SLC37A1: variants seen among roughly 807,000 people sequenced by gnomAD.
The protein encoded by SLC37A1 is glucose-6-phosphate exchanger SLC37A1.
A neutral mutation model predicts 75.3 loss-of-function variants in SLC37A1; 49 were observed. The ratio of observed to expected loss-of-function variants is 0.65; its 90% confidence interval spans 0.52 to 0.83. The LOEUF (loss-of-function observed/expected upper bound fraction) is 0.83. SLC37A1 is among the 40% of genes least tolerant of loss of function. SLC37A1 has a pLI of 0.00. For missense variants in SLC37A1, 566 were observed against 695.0 expected (o/e 0.81, Z 2.09); for synonymous variants, 268 against 292.1 (o/e 0.92, Z 0.84).
chr21:42,545,394 C>T lies in SLC37A1; in HGVS notation c.731-1709C>T, dbSNP rs2055382409. ...AGATAGGGAGGAAACATCAAGTGCC[C>T]CTTGGTTTGTTTCTGCCCCTCCTTG... On this transcript the variant is annotated intron_variant, in intron 8 of 19. Transcript: ENST00000352133. The surrounding 1 kb of genome is among the most constrained non-coding windows in gnomAD (Gnocchi z 4.0). Among the ~76,000 whole-genome samples the T allele has an allele frequency of 6.6e-6, 1 of 152,134 alleles. No individual in the cohort carries two copies. Among genetic ancestry groups the T allele is most frequent in the African/African-American group, 2.4e-5 (1 of 41,428 alleles).
intron 11 of SLC37A1, among the ~76,000 whole-genome samples, chr21:42,560,709 AT>A (rs1201047736): frequency 2.6e-5 from 4 of 152,232 alleles, no homozygotes; most frequent in Non-Finnish European, 4.4e-5. Context: ...AGGGCTGTGC[AT>A]GCTGGCCTGT....
chr21:42,523,656 G>A (rs1015254865), intron 2 of SLC37A1, among the ~76,000 whole-genome samples: 1 of 152,260 alleles, frequency 6.6e-6, no homozygotes, highest in Non-Finnish European at 1.5e-5. Flanking sequence ...TCGCCTTTTA[G>A]GGTTTCGCTT....
chr21:42,568,714 GTCCACTCA>G (rs2056045813), intron 17 of SLC37A1, among the ~76,000 whole-genome samples: 1 of 152,186 alleles, frequency 6.6e-6, no homozygotes, highest in Non-Finnish European at 1.5e-5. Context: ...GCTAACTCAG[GTCCACTCA>G]TTATTTATCG....
rs1438673571 is a variant in SLC37A1 at position 42,564,810 on chromosome 21, TC to T, written c.1221+20del. The T allele has an allele frequency of 1.2e-6, 2 of 1,600,722 alleles. No individual in the cohort carries two copies. The highest frequency in any genetic ancestry group is 1.1e-5 in the South Asian group (1 of 91,032). On this transcript the variant is annotated intron_variant, in intron 14 of 19. Coordinates refer to ENST00000352133, the MANE Select transcript of SLC37A1 (RefSeq NM_001320537.2). ...GCCCCCACGGTCAGCCGTGCTGCCT[TC>T]CCTGGGCCCCAAAGCCTGCAGACAG...
Position 42,574,849 on chromosome 21 carries a change from C to T in SLC37A1, c.1455C>T (p.Leu485=). The stretch of plus-strand genomic sequence containing the variant: ...CCCTGGGCCCCCTGCTGGCTGGGCT[C>T]CTCTCCCCGTCCGGCTGGAGCAATG... ...GAALGPLLAG[L]LSPSGWSNVF... Residue 485 remains leucine (L), a synonymous_variant, in exon 18 of 20, where the codon CTC becomes CTT. Coordinates refer to ENST00000352133, the MANE Select transcript of SLC37A1 (RefSeq NM_001320537.2). 1 of 1,614,156 alleles carries T rather than the reference C, an allele frequency of 6.2e-7. No homozygotes were observed. Among genetic ancestry groups the T allele is most frequent in the Middle Eastern group, 1.7e-4 (1 of 6,060 alleles).
intron 3 of SLC37A1, among the ~76,000 whole-genome samples, chr21:42,530,654 A>ACCCCCCCCC (rs1555882111): frequency 8.4e-5 from 3 of 35,878 alleles, no homozygotes; most frequent in African/African-American, 1.6e-4. Flanking sequence ...ACACACACAC[A>ACCCCCCCCC]CCCCCTCTGT....
At chr21:42,564,223 C>CAAAAAAAAAAAAAA (rs59155326) in intron 13 of SLC37A1, among the ~76,000 whole-genome samples, 1 of 79,982 alleles carries the variant, frequency 1.3e-5, no homozygotes, top group Non-Finnish European at 2.4e-5. Context: ...CCCCTCTCTA[C>CAAAAAAAAAAAAAA]AAAAAAAAAA....
intron 9 of SLC37A1, 51 bp from the exon 10 acceptor site, chr21:42,554,011 T>C (rs1417299168): frequency 1.6e-5 from 24 of 1,484,160 alleles, no homozygotes; most frequent in Admixed American, 1.2e-4. Context: ...CCAGGTTTAA[T>C]TTCTAGCTGT....
intron 2 of SLC37A1, 142 bp from the exon 3 acceptor site, chr21:42,525,634 A>G (rs185933076): frequency 1.6e-6 from 1 of 626,744 alleles, no homozygotes; most frequent in Admixed American, 2.8e-5. Context: ...CCAATATTAT[A>G]GTGACATAAG....
At position 42,539,542 on chromosome 21, in the gene SLC37A1, G is replaced by A. The variant is rs1178412378; in HGVS notation, c.381G>A (p.Arg127=). 1.2e-6 allele frequency: 2 copies of A among 1,613,588 alleles called. No homozygotes were observed. The highest frequency in any genetic ancestry group is 2.7e-5 in the African/African-American group (2 of 74,902). ...TCATTGGGGAGCGCCTGCCGATTAGGTATTACCTAACTTTCGGGATGCTCG... is the reference window on the plus strand; with the variant it reads ...TCATTGGGGAGCGCCTGCCGATTAGATATTACCTAACTTTCGGGATGCTCG... ...SGIIGERLPI[R]YYLTFGMLAS... is the part of the protein sequence containing the mutation. The change falls in exon 6 of 20, where the codon AGG becomes AGA. Residue 127 remains arginine (R), a synonymous_variant. Coordinates refer to ENST00000352133, the MANE Select transcript of SLC37A1 (RefSeq NM_001320537.2).
chr21:42,544,969 GCTC>G (rs1407700506), intron 8 of SLC37A1, among the ~76,000 whole-genome samples: 1 of 152,176 alleles, frequency 6.6e-6, no homozygotes, highest in Non-Finnish European at 1.5e-5. Context: ...AAAGGGGCTG[GCTC>G]TGGGGAGAAA....
intron 18 of SLC37A1, chr21:42,575,380 GGA>G: frequency 1.0e-6 from 1 of 985,456 alleles, no homozygotes; most frequent in Non-Finnish European, 1.2e-6. Flanking sequence ...TCAGACGGCG[GGA>G]GCGGCCCCAA....
chr21:42,543,430 C>G lies in SLC37A1; in HGVS notation c.564-6C>G. On this transcript the variant is annotated splice_region_variant and splice_polypyrimidine_tract_variant and intron_variant, in intron 7 of 19. Transcript: ENST00000352133. ...ATCTTCTGTCTTCTGTTTTGTTGTG[C>G]TGCAGGAGAGGTTTGATTATGGGGG... is the stretch of plus-strand genomic sequence containing the variant. 1 of 1,614,158 alleles carries G rather than the reference C, an allele frequency of 6.2e-7. No homozygotes were observed. Among genetic ancestry groups the G allele is most frequent in the Admixed American group, 1.7e-5 (1 of 60,022 alleles).
In SLC37A1 at chr21:42,567,005, G is replaced by A. The variant is rs2055996536; in HGVS notation, c.1291G>A (p.Ala431Thr). Reference protein sequence around the residue: ...ATIAMLLLSGALVSGPYTLIT... With the variant: ...ATIAMLLLSGTLVSGPYTLIT... ...CACAGCCATGCTGCTGCTCAGCGGA[G>A]CCCTGGTCAGTGGGCCCTACACACT... The change falls in exon 16 of 20, where the codon GCC (alanine) becomes ACC (threonine). Residue 431 changes from alanine (A) to threonine (T), a missense_variant. Physicochemically the swap from Ala to Thr is moderately conservative, Grantham distance 58. Transcript: ENST00000352133. 6.2e-7 allele frequency: 1 copy of A among 1,608,322 alleles called. No homozygotes were observed. Among genetic ancestry groups the A allele is most frequent in the African/African-American group, 1.3e-5 (1 of 75,046 alleles).
At chr21:42,563,962 G>C in intron 13 of SLC37A1, 85 bp downstream of exon 13, 3 of 1,472,190 alleles carry the variant, frequency 2.0e-6, no homozygotes, top group Non-Finnish European at 2.8e-6. Context: ...CAGGGGAACA[G>C]GGTTCCCCAA....
chr21:42,559,470 C>T (rs964457940), intron 11 of SLC37A1, among the ~76,000 whole-genome samples: 4 of 152,394 alleles, frequency 2.6e-5, no homozygotes, highest in Non-Finnish European at 4.4e-5. Context: ...GGCCCGGCCC[C>T]TCCCCAGTGC....
chr21:42,537,944 A>G (rs940335290), intron 5 of SLC37A1, among the ~76,000 whole-genome samples: 1 of 152,182 alleles, frequency 6.6e-6, no homozygotes, highest in African/African-American at 2.4e-5. Context: ...GGGTACAGCC[A>G]TTCAGCCCAG....
At chr21:42,537,795 T>A (rs1468424503) in intron 5 of SLC37A1, among the ~76,000 whole-genome samples, 1 of 152,258 alleles carries the variant, frequency 6.6e-6, no homozygotes, top group Non-Finnish European at 1.5e-5. Context: ...TAATGTGACA[T>A]CTACACAGTA....
At position 42,570,197 on chromosome 21, in the gene SLC37A1, G is replaced by A. The variant is rs113029161; in HGVS notation, c.1423+1759G>A. On this transcript the variant is annotated intron_variant, in intron 17 of 19. Transcript: ENST00000352133. Reference sequence around the variant, plus strand: ...CCATTGCCATGTGACACATGGCCTGGTTCTGAGAAGCGGCAGGCAGGGTGG... The same window carrying A: ...CCATTGCCATGTGACACATGGCCTGATTCTGAGAAGCGGCAGGCAGGGTGG... 8.7e-4 allele frequency among the ~76,000 whole-genome samples: 49 copies of A among 56,424 alleles called. 3 individuals are homozygous for A. The highest frequency in any genetic ancestry group is 3.9e-3 in the East Asian group (16 of 4,070). 37.0% of individuals were successfully genotyped at this position (56,424 alleles called of 152,430 possible). A position where few individuals can be genotyped will look rare whatever the true frequency, so the allele number is the denominator to read the frequency against.
Sources: gnomAD v4.1 joint callset for allele counts (sites outside exome capture counted in the v4.1 genomes callset) on GRCh38, gnomAD v4.1.1 for gene constraint, Gnocchi (gnomAD v3.1) non-coding constraint, MANE v1.5 for transcripts, NCBI Gene and HGNC (gene_info 2026-07-23, HGNC 2026-07-21) for gene names.